IL1RAPL2: variants seen among roughly 807,000 people sequenced by gnomAD.
The protein encoded by IL1RAPL2 is X-linked interleukin-1 receptor accessory protein-like 2.
A neutral mutation model predicts 44.1 loss-of-function variants in IL1RAPL2; 3 were observed. The observed-to-expected ratio is 0.07, with a 90% CI of 0.03 to 0.18. IL1RAPL2 has a LOEUF of 0.18. Ranked by LOEUF, IL1RAPL2 falls within the 10% of genes least tolerant of loss-of-function variation. The pLI is 1.00. For missense variants in IL1RAPL2, 391 were observed against 496.4 expected, an observed-to-expected ratio of 0.79 and a Z score of 2.02; for synonymous variants, 181 against 178.8, an observed-to-expected ratio of 1.01 and a Z score of -0.10.
intron 2 of IL1RAPL2, among the ~76,000 whole-genome samples, chrX:105,053,192 G>T (rs1288027878): frequency 9.0e-6 from 1 of 110,857 alleles, no homozygotes; most frequent in Non-Finnish European, 1.9e-5. Context: ...CTAGCATAAT[G>T]TATCATTTAG....
chrX:105,559,796 A>G (rs1029920509), intron 6 of IL1RAPL2, among the ~76,000 whole-genome samples: 1 of 111,767 alleles, frequency 8.9e-6, no homozygotes, highest in African/African-American at 3.3e-5. Flanking sequence ...TTTAGGTTTC[A>G]CTGTGTCAGT....
At chrX:105,048,171 A>G (rs1055973085) in intron 2 of IL1RAPL2, among the ~76,000 whole-genome samples, 3 of 111,957 alleles carry the variant, frequency 2.7e-5, no homozygotes, top group African/African-American at 6.5e-5. Context: ...TGAGGGGACA[A>G]GTTGGTTCCT....
In IL1RAPL2 at chrX:105,234,059, G is replaced by A. The variant is rs1391323448; in HGVS notation, c.543+55G>A. On this transcript the variant is annotated intron_variant, in intron 4 of 10. Coordinates refer to ENST00000372582, the MANE Select transcript of IL1RAPL2 (RefSeq NM_017416.2). ...TTACCTCAGTCAATAGCAGTCTTGG[G>A]GATGAGGAAAGGGAGATTTTTTTAC... The A allele has an allele frequency of 6.0e-6, 6 of 1,003,531 alleles. No homozygotes were observed. The African/African-American group carries it at 9.6e-5, about 16-fold the overall frequency. 82.7% of individuals were successfully genotyped at this position (1,003,531 alleles called of 1,213,427 possible). A position where few individuals can be genotyped will look rare whatever the true frequency, so the allele number is the denominator to read the frequency against.
chrX:104,798,171 A>C (rs1181139893), intron 2 of IL1RAPL2, among the ~76,000 whole-genome samples: 2 of 111,772 alleles, frequency 1.8e-5, no homozygotes, highest in South Asian at 7.6e-4. Flanking sequence ...ATTTCAAGAA[A>C]TCTCAAAATT....
At chrX:104,794,241 A>G (rs375906788) in intron 2 of IL1RAPL2, among the ~76,000 whole-genome samples, 3 of 111,828 alleles carry the variant, frequency 2.7e-5, no homozygotes, top group Admixed American at 9.5e-5. Flanking sequence ...GTATCTTCAG[A>G]GAATAACGCA....
intron 2 of IL1RAPL2, among the ~76,000 whole-genome samples, chrX:105,183,808 G>T (rs2033557862): frequency 2.7e-5 from 3 of 111,520 alleles, no homozygotes; most frequent in Non-Finnish European, 5.6e-5. Flanking sequence ...AATGCAGCTG[G>T]ATGTAACTGG....
intron 2 of IL1RAPL2, among the ~76,000 whole-genome samples, chrX:104,814,768 T>G (rs1291646156): frequency 1.8e-5 from 2 of 112,313 alleles, no homozygotes; most frequent in Non-Finnish European, 3.8e-5. Flanking sequence ...GTCTGCATTA[T>G]ACAAGAATGC....
chrX:105,418,377 C>T (rs1269366119), intron 5 of IL1RAPL2, among the ~76,000 whole-genome samples: 1 of 111,286 alleles, frequency 9.0e-6, no homozygotes, highest in Non-Finnish European at 1.9e-5. Context: ...CTCTCCCTGC[C>T]TCAGTCTCAC....
chrX:105,540,356 A>C (rs1190713884), intron 6 of IL1RAPL2, among the ~76,000 whole-genome samples: 2 of 111,711 alleles, frequency 1.8e-5, no homozygotes, highest in Non-Finnish European at 3.8e-5. Context: ...GTATGCAGCC[A>C]TAAAGAATGA....
intron 4 of IL1RAPL2, among the ~76,000 whole-genome samples, chrX:105,245,361 T>C (rs886204515): frequency 1.8e-5 from 2 of 111,702 alleles, no homozygotes; most frequent in Non-Finnish European, 3.8e-5. Flanking sequence ...TAATCACAGC[T>C]GGATGGGAAG....
intron 1 of IL1RAPL2, among the ~76,000 whole-genome samples, chrX:104,650,017 A>G (rs767298706): frequency 2.7e-5 from 3 of 111,985 alleles, no homozygotes; most frequent in Non-Finnish European, 5.7e-5. Context: ...TCAGGATTTG[A>G]TACTCCAATG....
chrX:105,764,272 A>G (rs935229601), intron 10 of IL1RAPL2, among the ~76,000 whole-genome samples: 4 of 111,520 alleles, frequency 3.6e-5, no homozygotes, highest in Non-Finnish European at 7.5e-5. Context: ...AGCCCCAAGA[A>G]CCCTAAATAT....
intron 9 of IL1RAPL2, 89 bp from the exon 10 acceptor site, chrX:105,755,088 G>A (rs914607676): frequency 5.5e-6 from 3 of 543,786 alleles, no homozygotes; most frequent in Middle Eastern, 3.7e-4. Flanking sequence ...ATTAAAGACG[G>A]TCACTAATTA....
chrX:104,815,416 C>T (rs1235782423), intron 2 of IL1RAPL2, among the ~76,000 whole-genome samples: 6 of 110,783 alleles, frequency 5.4e-5, no homozygotes, highest in Non-Finnish European at 1.1e-4. Flanking sequence ...TGGTACCCTT[C>T]CATCTTCAAA....
At chrX:105,563,334 C>T (rs1373955060) in intron 6 of IL1RAPL2, among the ~76,000 whole-genome samples, 2 of 111,297 alleles carry the variant, frequency 1.8e-5, no homozygotes, top group Admixed American at 9.6e-5. Context: ...CAAATCCCAT[C>T]CTTGTAGTCA....
chrX:105,074,968 A>G (rs1248505752), intron 2 of IL1RAPL2, among the ~76,000 whole-genome samples: 1 of 111,353 alleles, frequency 9.0e-6, no homozygotes, highest in Non-Finnish European at 1.9e-5. Context: ...TTCTAGATAT[A>G]CAATCATGTC....
intron 5 of IL1RAPL2, among the ~76,000 whole-genome samples, chrX:105,474,961 T>G: frequency 9.0e-6 from 1 of 111,198 alleles, no homozygotes; most frequent in Non-Finnish European, 1.9e-5. Context: ...AGACTTTGGT[T>G]GAATCTTGGA....
intron 5 of IL1RAPL2, among the ~76,000 whole-genome samples, chrX:105,301,751 C>T (rs1045003210): frequency 8.9e-6 from 1 of 112,219 alleles, no homozygotes. Flanking sequence ...ATATGTACCA[C>T]ATTTTTAAAA....
intron 2 of IL1RAPL2, among the ~76,000 whole-genome samples, chrX:105,033,425 A>C (rs772375294): frequency 2.7e-4 from 30 of 111,334 alleles, no homozygotes; most frequent in East Asian, 1.7e-3. Flanking sequence ...CCTGGTGGTG[A>C]CAAAATCTCT....
Sources: allele counts gnomAD v4.1 joint callset (sites outside exome capture counted in the v4.1 genomes callset), GRCh38; gene constraint gnomAD v4.1.1; transcripts MANE v1.5; gene names NCBI Gene and HGNC (gene_info 2026-07-23, HGNC 2026-07-21).